Variants in ERBIN observed in about 807,000 individuals in gnomAD.
ERBIN encodes erbb2 interacting protein, also known as densin-180-like protein.
A neutral mutation model predicts 158.4 loss-of-function variants in ERBIN; 60 were observed. The ratio of observed to expected loss-of-function variants is 0.38; its 90% CI spans 0.31 to 0.47. The LOEUF is 0.47. Ranked by LOEUF, ERBIN falls within the 20% of genes least tolerant of loss-of-function variation. The pLI is 0.99. For missense variants in ERBIN, 1,610 were observed against 1,648.0 expected (o/e 0.98, Z 0.40); for synonymous variants, 594 against 557.2 (o/e 1.07, Z -0.93).
At chr5:65,978,557 C>G (rs1300542788) in intron 1 of ERBIN, among the ~76,000 whole-genome samples, 2 of 152,212 alleles carry the variant, frequency 1.3e-5, no homozygotes, top group South Asian at 2.1e-4. Flanking sequence ...AACAAGAGTT[C>G]TGTGTAGGTG....
intron 21 of ERBIN, among the ~76,000 whole-genome samples, chr5:66,060,834 G>A (rs766313874): frequency 4.2e-4 from 64 of 152,060 alleles, no homozygotes; most frequent in Admixed American, 3.4e-3. Context: ...GTGCAGTTTC[G>A]ATGTAGTTGA....
At chr5:65,995,869 T>C (rs1752378256) in intron 4 of ERBIN, among the ~76,000 whole-genome samples, 1 of 152,258 alleles carries the variant, frequency 6.6e-6, no homozygotes, top group South Asian at 2.1e-4. Context: ...TTAATGATGT[T>C]GAACATTTTT....
chr5:65,994,734 C>T lies in ERBIN; in HGVS notation c.190-13C>T. On this transcript the variant is annotated splice_polypyrimidine_tract_variant and intron_variant, in intron 3 of 25. Coordinates refer to ENST00000284037, the MANE Select transcript of ERBIN (RefSeq NM_001253697.2). ...GTATATAATTGACATTCTTTCCTCCCTTTTTTCAATAGCAACTTTTTAACT... is the reference window on the plus strand; with the variant it reads ...GTATATAATTGACATTCTTTCCTCCTTTTTTTCAATAGCAACTTTTTAACT... 1 of 1,482,608 alleles carries T rather than the reference C, an allele frequency of 6.7e-7. No homozygotes were observed. The highest frequency in any genetic ancestry group is 9.3e-7 in the Non-Finnish European group (1 of 1,080,656). 91.8% of individuals were successfully genotyped at this position (1,482,608 alleles called of 1,614,324 possible).
At chr5:66,069,614 G>A (rs1761346175) in intron 21 of ERBIN, among the ~76,000 whole-genome samples, 1 of 152,128 alleles carries the variant, frequency 6.6e-6, no homozygotes, top group Non-Finnish European at 1.5e-5. Context: ...CAGTGTGGGG[G>A]ATAAAAAGGC....
intron 14 of ERBIN, among the ~76,000 whole-genome samples, chr5:66,037,957 G>T (rs573862722): frequency 2.2e-4 from 33 of 152,140 alleles, no homozygotes; most frequent in African/African-American, 7.9e-4. Context: ...TAAACATTTA[G>T]ATAACCAGAC....
intron 1 of ERBIN, among the ~76,000 whole-genome samples, chr5:65,978,449 A>G (rs1470097195): frequency 7.4e-6 from 1 of 134,734 alleles, no homozygotes; most frequent in Non-Finnish European, 1.7e-5. Flanking sequence ...ATGGAAGAGG[A>G]TTCCACAGAT....
rs143804809 is a variant in ERBIN at position 66,053,810 on chromosome 5, A to G, written c.2492A>G (p.Gln831Arg). 8.1e-6 allele frequency: 13 copies of G among 1,613,876 alleles called. No individual in the cohort carries two copies. The highest frequency in any genetic ancestry group is 1.7e-5 in the Admixed American group (1 of 59,992). The change falls in exon 21 of 26, where the codon CAG (glutamine) becomes CGG (arginine). Residue 831 changes from glutamine to arginine, a missense_variant. Physicochemically the swap from Gln to Arg is conservative, Grantham distance 43 (BLOSUM62 1). Around this residue, in one of 2 missense-constraint regions of ERBIN, gnomAD observed 1,014 missense variants for 936.1 expected, o/e 1.08. Coordinates refer to ENST00000284037, the MANE Select transcript of ERBIN (RefSeq NM_001253697.2). ...AATGGACATTCTGAGGAAACTTCCC[A>G]GTCTCCTAATAGGACTGAACCACAT... is the stretch of plus-strand genomic sequence containing the variant. Reference protein sequence around the residue: ...KVNGHSEETSQSPNRTEPHDS... With the variant: ...KVNGHSEETSRSPNRTEPHDS...
chr5:65,977,988 C>T lies in ERBIN; in HGVS notation c.-57-10647C>T, dbSNP rs1233395181. The stretch of plus-strand genomic sequence containing the variant: ...GAGGGAGAGGGAGAGGGAGAGGGAG[C>T]GAGAAAGCTATTTCTAGGTTGGAAA... On this transcript the variant is annotated intron_variant, in intron 1 of 25. Transcript: ENST00000284037. Among the ~76,000 whole-genome samples the T allele has an allele frequency of 3.4e-4, 6 of 17,436 alleles. No individual in the cohort carries two copies. In the South Asian group the frequency reaches 9.2e-3, roughly 27 times the overall value. 11.4% of individuals were successfully genotyped at this position (17,436 alleles called of 152,430 possible). A position where few individuals can be genotyped will look rare whatever the true frequency, so the allele number is the denominator to read the frequency against.
intron 1 of ERBIN, among the ~76,000 whole-genome samples, chr5:65,940,167 G>C (rs1328086114): frequency 9.6e-5 from 14 of 146,196 alleles, no homozygotes; most frequent in African/African-American, 3.3e-4. Context: ...GCCGCCCATC[G>C]TCTAAGATGT....
At chr5:65,994,971 TG>T in intron 4 of ERBIN, 107 bp downstream of exon 4, 1 of 682,842 alleles carries the variant, frequency 1.5e-6, no homozygotes, top group Non-Finnish European at 2.5e-6. Context: ...TTAAATCTAA[TG>T]TATTAATATG....
chr5:65,972,629 T>TA (rs200626170), intron 1 of ERBIN, among the ~76,000 whole-genome samples: 3,950 of 151,594 alleles, frequency 0.026, 105 homozygotes, highest in Non-Finnish European at 0.043. Context: ...CTATTTCACT[T>TA]ACAAAATAAA....
chr5:66,070,567 C>T (rs1353198218), intron 21 of ERBIN, among the ~76,000 whole-genome samples: 1 of 151,986 alleles, frequency 6.6e-6, no homozygotes, highest in Non-Finnish European at 1.5e-5. Flanking sequence ...TTTACTTCTA[C>T]ATTCATGGTG....
At chr5:66,049,541 A>G (rs1758812456) in intron 19 of ERBIN, among the ~76,000 whole-genome samples, 1 of 152,084 alleles carries the variant, frequency 6.6e-6, no homozygotes, top group Non-Finnish European at 1.5e-5. Context: ...ATGAGGTGGA[A>G]GTGGAGTGTA....
rs762919254 is a variant in ERBIN, at chr5:66,078,560, A to G, written c.*30A>G. On this transcript the variant is annotated 3_prime_UTR_variant, in exon 26 of 26. Transcript: ENST00000284037. Reference sequence around the variant, plus strand: ...TGTGGACAAAAAAAGCGGGGAAGACAGCAAGATTTATTGGAAGATACTTAC... The same window carrying G: ...TGTGGACAAAAAAAGCGGGGAAGACGGCAAGATTTATTGGAAGATACTTAC... 2 of 1,322,864 alleles carry G rather than the reference A, an allele frequency of 1.5e-6. No individual in the cohort carries two copies. Among genetic ancestry groups the G allele is most frequent in the African/African-American group, 1.5e-5 (1 of 68,618 alleles). 81.9% of individuals were successfully genotyped at this position (1,322,864 alleles called of 1,614,324 possible). A position where few individuals can be genotyped will look rare whatever the true frequency, so the allele number is the denominator to read the frequency against.
chr5:65,934,120 TCTC>T (rs369965259), intron 1 of ERBIN, among the ~76,000 whole-genome samples: 26 of 152,234 alleles, frequency 1.7e-4, no homozygotes, highest in African/African-American at 6.0e-4. Context: ...GTGGTCTTGA[TCTC>T]CTGATGTCAT....
intron 17 of ERBIN, 118 bp from the exon 18 acceptor site, chr5:66,046,235 A>G: frequency 1.9e-6 from 1 of 519,436 alleles, no homozygotes; most frequent in Non-Finnish European, 3.2e-6. Flanking sequence ...TAAAGTTTTC[A>G]TGTTTGAGAT....
intron 1 of ERBIN, among the ~76,000 whole-genome samples, chr5:65,949,197 GT>G (rs1395529890): frequency 6.6e-6 from 1 of 151,974 alleles, no homozygotes; most frequent in African/African-American, 2.4e-5. Context: ...TTATTATAAA[GT>G]TTATAGTTTA....
At chr5:66,068,636 G>C (rs1182737058) in intron 21 of ERBIN, among the ~76,000 whole-genome samples, 1 of 152,132 alleles carries the variant, frequency 6.6e-6, no homozygotes, top group Non-Finnish European at 1.5e-5. Context: ...TTATATGTCT[G>C]TACTTTCTTC....
chr5:66,074,691 AT>A (rs1354610878), intron 22 of ERBIN, among the ~76,000 whole-genome samples: 2 of 152,206 alleles, frequency 1.3e-5, no homozygotes, highest in Non-Finnish European at 2.9e-5. Context: ...CCATTTTAAC[AT>A]TTGGTTATTA....
Sources: allele counts gnomAD v4.1 joint callset (sites outside exome capture counted in the v4.1 genomes callset), GRCh38; gene constraint gnomAD v4.1.1; regional missense constraint gnomAD v4.1.1; transcripts MANE v1.5; gene names NCBI Gene and HGNC (gene_info 2026-07-23, HGNC 2026-07-21).